Variants in SLC29A3 observed in about 807,000 individuals in gnomAD.
The protein encoded by SLC29A3 is equilibrative nucleoside transporter 3.
In SLC29A3, 18 loss-of-function variants were observed where a neutral mutation model predicts 25.4. The observed-to-expected ratio is 0.71, with a 90% confidence interval of 0.49 to 1.05. SLC29A3 has a LOEUF of 1.05. Ranked by LOEUF, SLC29A3 falls within the 50% of genes least tolerant of loss-of-function variation. The pLI is 0.00. For missense variants in SLC29A3, 586 were observed against 609.0 expected, an observed-to-expected ratio of 0.96 and a Z score of 0.40; for synonymous variants, 258 against 267.1, an observed-to-expected ratio of 0.97 and a Z score of 0.33.
intron 3 of SLC29A3, among the ~76,000 whole-genome samples, chr10:71,372,365 C>T (rs962909802): frequency 6.6e-6 from 1 of 152,316 alleles, no homozygotes; most frequent in African/African-American, 2.4e-5. Context: ...GAGATTCAAA[C>T]CCAGGTCTGC....
At chr10:71,352,963 A>G (rs1031805002) in intron 4 of SLC29A3, 2 of 152,256 alleles carry the variant, frequency 1.3e-5, no homozygotes, top group African/African-American at 4.8e-5. Context: ...GCCCACTGAC[A>G]GCAATTTCAC....
chr10:71,363,432 A>G (rs1361453610), downstream of SLC29A3: 1 of 425,770 alleles, frequency 2.3e-6, no homozygotes, highest in East Asian at 7.1e-5. Context: ...AAGCAATGGC[A>G]CACTCAGATT....
At chr10:71,357,260 A>G (rs1846938890) in intron 5 of SLC29A3, among the ~76,000 whole-genome samples, 1 of 152,030 alleles carries the variant, frequency 6.6e-6, no homozygotes, top group Non-Finnish European at 1.5e-5. Context: ...CTAAAAATAC[A>G]AAAAATTAGC....
downstream of SLC29A3, among the ~76,000 whole-genome samples, chr10:71,367,963 C>T (rs1272940844): frequency 6.6e-6 from 1 of 152,224 alleles, no homozygotes; most frequent in Non-Finnish European, 1.5e-5. Context: ...TGGCTCACAC[C>T]TATAATCCCA....
intron 2 of SLC29A3, among the ~76,000 whole-genome samples, chr10:71,333,359 C>T (rs3781310): frequency 0.55 from 84,249 of 152,190 alleles, 25,003 homozygotes; most frequent in African/African-American, 0.78. Flanking sequence ...TTTCTGTGCA[C>T]GTCTGTGCCT....
At chr10:71,353,058 T>C (rs1414261751) in intron 4 of SLC29A3, among the ~76,000 whole-genome samples, 1 of 152,152 alleles carries the variant, frequency 6.6e-6, no homozygotes, top group East Asian at 1.9e-4. Flanking sequence ...GTATGTCCCT[T>C]CCCCACTCGA....
At chr10:71,336,424 G>A (rs1846255264) in intron 2 of SLC29A3, among the ~76,000 whole-genome samples, 1 of 152,084 alleles carries the variant, frequency 6.6e-6, no homozygotes, top group African/African-American at 2.4e-5. Flanking sequence ...GGGCTGCGAG[G>A]AGGACGCTGA....
At chr10:71,333,819 C>G (rs907775701) in intron 2 of SLC29A3, among the ~76,000 whole-genome samples, 6 of 152,238 alleles carry the variant, frequency 3.9e-5, no homozygotes, top group African/African-American at 1.2e-4. Context: ...CCTCAGGGAG[C>G]TTGGGGTCAC....
At chr10:71,354,097 T>C (rs1167918729) in intron 4 of SLC29A3, among the ~76,000 whole-genome samples, 1 of 152,200 alleles carries the variant, frequency 6.6e-6, no homozygotes, top group East Asian at 1.9e-4. Flanking sequence ...TGTTGCTGCT[T>C]TGATGTGGGA....
intron 1 of SLC29A3, among the ~76,000 whole-genome samples, chr10:71,322,542 A>G (rs1794589318): frequency 6.6e-6 from 1 of 152,164 alleles, no homozygotes; most frequent in Non-Finnish European, 1.5e-5. Flanking sequence ...CTCTGAGGAC[A>G]CTTACAGTTC....
chr10:71,374,637 G>T (rs1847236250), intron 3 of SLC29A3, among the ~76,000 whole-genome samples: 1 of 152,156 alleles, frequency 6.6e-6, no homozygotes, highest in Admixed American at 6.5e-5. Context: ...GAAGGGTGCA[G>T]GTCCTCAGCT....
chr10:71,336,533 G>A (rs1306131192), intron 2 of SLC29A3, among the ~76,000 whole-genome samples: 2 of 152,036 alleles, frequency 1.3e-5, no homozygotes, highest in African/African-American at 4.8e-5. Flanking sequence ...GAGTGAAGGG[G>A]AGGAGGGGCC....
chr10:71,379,991 C>G (rs937928648), exon 5 of SLC29A3: 2 of 152,346 alleles, frequency 1.3e-5, no homozygotes, highest in Admixed American at 1.3e-4. Flanking sequence ...GGAGCTGGAA[C>G]CCTTCCTTTC....
chr10:71,347,582 C>G (rs748288092), intron 3 of SLC29A3, among the ~76,000 whole-genome samples: 68 of 152,206 alleles, frequency 4.5e-4, no homozygotes, highest in Non-Finnish European at 1.0e-4. Context: ...GCCTGTGGAC[C>G]AGGCTTGCAG....
chr10:71,369,246 A>G (rs1044060995), intron 3 of SLC29A3, among the ~76,000 whole-genome samples: 1 of 152,348 alleles, frequency 6.6e-6, no homozygotes, highest in South Asian at 2.1e-4. Context: ...TATTGTATAG[A>G]AGCCACCCAG....
chr10:71,357,432 A>G (rs559616877), intron 5 of SLC29A3, among the ~76,000 whole-genome samples: 44 of 152,078 alleles, frequency 2.9e-4, no homozygotes, highest in Admixed American at 2.2e-3. Context: ...AAAAGCTTGT[A>G]TAGAGACAGA....
chr10:71,348,329 T>C (rs942585347), intron 3 of SLC29A3, among the ~76,000 whole-genome samples: 2 of 152,246 alleles, frequency 1.3e-5, no homozygotes, highest in Non-Finnish European at 2.9e-5. Context: ...CTCTCTCCAC[T>C]TGAATTTTTT....
intron 2 of SLC29A3, among the ~76,000 whole-genome samples, chr10:71,324,428 A>C: frequency 6.6e-6 from 1 of 152,210 alleles, no homozygotes; most frequent in Non-Finnish European, 1.5e-5. Flanking sequence ...TCCTGGAACC[A>C]ATCCCTTGGG....
chr10:71,323,352 T>C lies in SLC29A3; in HGVS notation c.300+298T>C, dbSNP rs1304505343. ...GAGATGGAAGGTCATTTTTCTCCCATGTTCAATTCTGGTCGGGACAGCCCA... is the reference window on the plus strand; with the variant it reads ...GAGATGGAAGGTCATTTTTCTCCCACGTTCAATTCTGGTCGGGACAGCCCA... On this transcript the variant is annotated intron_variant, in intron 2 of 5. Coordinates refer to ENST00000373189, the MANE Select transcript of SLC29A3 (RefSeq NM_018344.6). Among the ~76,000 whole-genome samples, 5 of 152,360 alleles carry C rather than the reference T, an allele frequency of 3.3e-5. No homozygotes were observed. The East Asian group carries it at 5.8e-4, about 18-fold the overall frequency.
Sources: allele counts gnomAD v4.1 joint callset (sites outside exome capture counted in the v4.1 genomes callset), GRCh38; gene constraint gnomAD v4.1.1; transcripts MANE v1.5; gene names NCBI Gene and HGNC (gene_info 2026-07-23, HGNC 2026-07-21).